Variants in PACRG observed in about 807,000 individuals in gnomAD.
PACRG encodes the protein parkin coregulated.
PACRG carries 29 observed loss-of-function variants against 29.7 expected under a neutral mutation model. The ratio of observed to expected loss-of-function variants is 0.98; its 90% confidence interval spans 0.73 to 1.33. PACRG has a LOEUF of 1.33. Ranked by LOEUF, PACRG falls within the 40% of genes most tolerant of loss-of-function variation. The pLI is 0.00. For missense variants in PACRG, 279 were observed against 316.2 expected (o/e 0.88, Z 0.89); for synonymous variants, 116 against 118.7 (o/e 0.98, Z 0.15).
chr6:162,964,951 T>C (rs1800909325), intron 2 of PACRG, among the ~76,000 whole-genome samples: 1 of 152,216 alleles, frequency 6.6e-6, no homozygotes, highest in South Asian at 2.1e-4. Context: ...ACTGTAGTTA[T>C]GTATCTGCTG....
chr6:162,994,723 AG>A (rs1459646803), intron 2 of PACRG, among the ~76,000 whole-genome samples: 1 of 147,548 alleles, frequency 6.8e-6, no homozygotes, highest in Non-Finnish European at 1.5e-5. Flanking sequence ...GATCGTCTGA[AG>A]CCTTCTTCTC....
intron 2 of PACRG, among the ~76,000 whole-genome samples, chr6:162,967,091 A>T (rs1183623791): frequency 6.9e-6 from 1 of 144,878 alleles, no homozygotes; most frequent in Non-Finnish European, 1.5e-5. Context: ...TTATCATACT[A>T]AGTGTTTTAA....
chr6:163,216,922 A>G (rs1198513141), intron 4 of PACRG, among the ~76,000 whole-genome samples: 1 of 152,200 alleles, frequency 6.6e-6, no homozygotes, highest in African/African-American at 2.4e-5. Context: ...GTCTAATTAA[A>G]TCCTCCAATA....
chr6:163,289,335 G>A (rs142310432), intron 4 of PACRG, among the ~76,000 whole-genome samples: 12 of 152,270 alleles, frequency 7.9e-5, no homozygotes, highest in African/African-American at 2.9e-4. Context: ...TCACGATGCG[G>A]TTCCTTTTCC....
chr6:163,007,133 A>G (rs1805189360), intron 2 of PACRG, among the ~76,000 whole-genome samples: 1 of 152,058 alleles, frequency 6.6e-6, no homozygotes, highest in Non-Finnish European at 1.5e-5. Flanking sequence ...TTTTTAACTT[A>G]CCACACTAGA....
At chr6:163,143,232 A>T (rs947426524) in intron 4 of PACRG, among the ~76,000 whole-genome samples, 1 of 152,168 alleles carries the variant, frequency 6.6e-6, no homozygotes, top group African/African-American at 2.4e-5. Flanking sequence ...TTTATAAAAA[A>T]ATAAAAAGTT....
intron 2 of PACRG, among the ~76,000 whole-genome samples, chr6:162,981,305 A>ATATATATATATATTTTTTTTTTT (rs925663285): frequency 1.3e-5 from 2 of 149,126 alleles, no homozygotes; most frequent in African/African-American, 2.5e-5. Context: ...ATATATATAT[A>ATATATATATATATTTTTTTTTTT]TTTACAATGG....
chr6:162,973,400 G>A (rs895331682), intron 2 of PACRG, among the ~76,000 whole-genome samples: 1 of 152,204 alleles, frequency 6.6e-6, no homozygotes, highest in Admixed American at 6.5e-5. Context: ...TCCATTTCAT[G>A]CATGATCACC....
intron 2 of PACRG, among the ~76,000 whole-genome samples, chr6:163,009,605 G>A (rs1413340666): frequency 1.3e-5 from 2 of 152,138 alleles, no homozygotes; most frequent in Non-Finnish European, 2.9e-5. Flanking sequence ...ATCTAAACAT[G>A]ATTTCTTTGG....
intron 4 of PACRG, among the ~76,000 whole-genome samples, chr6:163,105,745 A>G (rs771440808): frequency 4.6e-5 from 7 of 152,080 alleles, no homozygotes; most frequent in African/African-American, 7.2e-5. Context: ...CAACATTGTG[A>G]CGTGATCCTG....
At chr6:162,996,000 C>T (rs1274673667) in intron 2 of PACRG, among the ~76,000 whole-genome samples, 1 of 152,080 alleles carries the variant, frequency 6.6e-6, no homozygotes, top group East Asian at 1.9e-4. Flanking sequence ...TCAAAGGGTA[C>T]AAAGTTTTAG....
At chr6:162,865,972 C>T (rs1191405370) in intron 2 of PACRG, among the ~76,000 whole-genome samples, 5 of 152,026 alleles carry the variant, frequency 3.3e-5, no homozygotes. Flanking sequence ...ACCAGAGATA[C>T]CCATGTTTTC....
chr6:162,898,652 A>G (rs1795338870), intron 2 of PACRG, among the ~76,000 whole-genome samples: 1 of 152,202 alleles, frequency 6.6e-6, no homozygotes, highest in Non-Finnish European at 1.5e-5. Context: ...AGTGAGGATA[A>G]TCATAGAACC....
At chr6:163,230,700 C>G (rs1381521395) in intron 4 of PACRG, among the ~76,000 whole-genome samples, 2 of 64,736 alleles carry the variant, frequency 3.1e-5, no homozygotes, top group Non-Finnish European at 6.3e-5. Context: ...AATTCACCTT[C>G]AAAATCCCTA....
chr6:162,800,491 C>T (rs747906539), intron 1 of PACRG, among the ~76,000 whole-genome samples: 41 of 152,278 alleles, frequency 2.7e-4, no homozygotes, highest in Admixed American at 1.5e-3. Flanking sequence ...GACATACTCA[C>T]AATTTACTTA....
chr6:162,753,493 T>C (rs1023393734), intron 1 of PACRG, among the ~76,000 whole-genome samples: 2 of 152,188 alleles, frequency 1.3e-5, no homozygotes, highest in African/African-American at 2.4e-5. Context: ...TTTTTATCCA[T>C]TTGTCCATTG....
chr6:162,846,307 A>G (rs1790374104), intron 2 of PACRG, among the ~76,000 whole-genome samples: 3 of 152,244 alleles, frequency 2.0e-5, no homozygotes, highest in South Asian at 2.1e-4. Flanking sequence ...AGCTTGGTCC[A>G]GGGTCAGTTA....
intron 4 of PACRG, among the ~76,000 whole-genome samples, chr6:163,272,289 G>A (rs780163969): frequency 3.9e-5 from 6 of 151,976 alleles, no homozygotes; most frequent in Admixed American, 1.3e-4. Context: ...TGCGTCCCTC[G>A]GCCTTCCAAA....
At chr6:163,027,204 A>AT (rs1414235886) in intron 2 of PACRG, among the ~76,000 whole-genome samples, 3 of 152,058 alleles carry the variant, frequency 2.0e-5, no homozygotes, top group Non-Finnish European at 4.4e-5. Flanking sequence ...GGTTGCGTGT[A>AT]TTTTTTCAGA....
Sources: allele counts gnomAD v4.1 joint callset (sites outside exome capture counted in the v4.1 genomes callset), GRCh38; gene constraint gnomAD v4.1.1; transcripts MANE v1.5; gene names NCBI Gene and HGNC (gene_info 2026-07-23, HGNC 2026-07-21).